The following NAA20 variants were observed in gnomAD, a reference collection of about 807,000 sequenced individuals.
NAA20 encodes N-alpha-acetyltransferase 20, NatB catalytic subunit.
A neutral mutation model predicts 23.8 loss-of-function variants in NAA20; 24 were observed. The observed-to-expected ratio is 1.01, with a 90% CI of 0.73 to 1.42. NAA20 has a LOEUF of 1.42. Among genes scored for constraint, NAA20 ranks in the 40% most tolerant of loss-of-function variants. The probability of loss-of-function intolerance (pLI) is 0.00; values close to 1 mark genes in which losing one functional copy is unlikely to be tolerated. For synonymous variants in NAA20, 83 were observed against 77.7 expected (o/e 1.07, Z -0.36); for missense variants, 166 against 223.1 (o/e 0.74, Z 1.63).
Position 20,033,125 on chromosome 20 carries a change from G to A in NAA20, c.475G>A (p.Asp159Asn). 1 of 1,613,456 alleles carries A rather than the reference G, an allele frequency of 6.2e-7. No homozygotes were observed. ...AYDMRKALSRDTEKKSIIPLP... is the reference protein window; with the variant it reads ...AYDMRKALSRNTEKKSIIPLP... The stretch of plus-strand genomic sequence containing the variant: ...AGATATGAGGAAAGCACTTTCCAGG[G>A]ATACTGAGAAGAAATCCATCATACC... The change falls in exon 6 of 6, where the codon GAT becomes AAT. Residue 159 changes from aspartate to asparagine, a missense_variant. Transcript: ENST00000334982.
intron 4 of NAA20, among the ~76,000 whole-genome samples, chr20:20,027,753 T>A (rs923604938): frequency 7.5e-5 from 9 of 120,508 alleles, no homozygotes; most frequent in South Asian, 6.5e-4. Context: ...AGCATGGCAT[T>A]TTTTTTTTTT....
At chr20:20,018,320 A>G (rs1332424173) in intron 1 of NAA20, 2 of 516,210 alleles carry the variant, frequency 3.9e-6, no homozygotes, top group African/African-American at 1.9e-5. Flanking sequence ...TGCAGTTAAC[A>G]TTTTGCTACG....
At chr20:20,032,360 A>T in intron 4 of NAA20, 148 bp from the exon 5 acceptor site, 1 of 598,146 alleles carries the variant, frequency 1.7e-6, no homozygotes, top group East Asian at 3.0e-5. Flanking sequence ...AATTTCTATT[A>T]CCATGTAATC....
At chr20:20,026,673 A>G in intron 3 of NAA20, 111 bp from the exon 4 acceptor site, 1 of 1,415,570 alleles carries the variant, frequency 7.1e-7, no homozygotes, top group South Asian at 1.3e-5. Flanking sequence ...GTGGTACTTA[A>G]AAACTTCTTT....
chr20:20,023,312 C>CAA lies in NAA20; in HGVS notation c.78+847_78+848dup, dbSNP rs377441191. On this transcript the variant is annotated intron_variant, in intron 2 of 5. Coordinates refer to ENST00000334982, the MANE Select transcript of NAA20 (RefSeq NM_016100.5). ...CTACATGTAGAGCGAGACTCCGTCT[C>CAA]AAAAAAAAAAAAAAAAGGAGAGTAC... 2.6e-3 allele frequency among the ~76,000 whole-genome samples: 303 copies of CAA among 115,646 alleles called. 1 individual carries two copies. Among genetic ancestry groups the CAA allele is most frequent in the African/African-American group, 7.9e-3 (219 of 27,878 alleles). The allele number at this position is 115,646 out of a possible 152,430, so 75.9% of individuals were successfully genotyped here.
At position 20,017,441 on chromosome 20, in the gene NAA20, C is replaced by T; in HGVS notation, c.45C>T (p.Phe15=). 1 of 1,611,380 alleles carries T rather than the reference C, an allele frequency of 6.2e-7. No homozygotes were observed. The highest frequency in any genetic ancestry group is 8.5e-7 in the Non-Finnish European group (1 of 1,179,172). Residue 15 remains phenylalanine (F), a synonymous_variant, in exon 1 of 6, where the codon TTC becomes TTT. Coordinates refer to ENST00000334982, the MANE Select transcript of NAA20 (RefSeq NM_016100.5). ...TTACCTGCGACGACCTGTTCCGCTT[C>T]AACAACATGTGAGTGACACGCGCCT... ...RAFTCDDLFR[F]NNINLDPLTE...
At chr20:20,026,994 A>G in intron 4 of NAA20, 75 bp downstream of exon 4, 1 of 1,576,084 alleles carries the variant, frequency 6.3e-7, no homozygotes. Flanking sequence ...AGGCTGAATA[A>G]CTGTCATGCT....
chr20:20,032,978 T>C (rs953616343), intron 5 of NAA20, 124 bp from the exon 6 acceptor site: 11 of 778,756 alleles, frequency 1.4e-5, no homozygotes, highest in African/African-American at 3.5e-5. Context: ...TATAAATACA[T>C]TTTGCTTAGA....
chr20:20,017,704 G>T (rs2043240927), intron 1 of NAA20: 1 of 1,427,964 alleles, frequency 7.0e-7, no homozygotes, highest in Non-Finnish European at 9.1e-7. Flanking sequence ...GACCCTGCGA[G>T]CTGGCAGGTT....
In NAA20 at chr20:20,027,071, A is replaced by G. The variant is rs903389852; in HGVS notation, c.305+152A>G. On this transcript the variant is annotated intron_variant, in intron 4 of 5. Coordinates refer to ENST00000334982, the MANE Select transcript of NAA20 (RefSeq NM_016100.5). ...TTAGAACAATTCTATCACATAGTCA[A>G]AGTGATATTGTTTCTATTTTGCCAT... 5 of 1,166,778 alleles carry G rather than the reference A, an allele frequency of 4.3e-6. No homozygotes were observed. The African/African-American group carries it at 4.6e-5, about 11-fold the overall frequency. 72.3% of individuals were successfully genotyped at this position (1,166,778 alleles called of 1,614,324 possible).
In NAA20 at chr20:20,020,347, C is replaced by T. The variant is rs144559915; in HGVS notation, c.54-2109C>T. 5.2e-3 allele frequency among the ~76,000 whole-genome samples: 793 copies of T among 152,152 alleles called. 5 individuals carry two copies. Among genetic ancestry groups the T allele is most frequent in the African/African-American group, 0.017 (723 of 41,494 alleles). On this transcript the variant is annotated intron_variant, in intron 1 of 5. Coordinates refer to ENST00000334982, the MANE Select transcript of NAA20 (RefSeq NM_016100.5). ...TAGTTTGGGGGTTCAGGGAGACTGC[C>T]CTTGAAGAAAGACCTGGGGAAGTTA... is the stretch of plus-strand genomic sequence containing the variant.
chr20:20,032,515 G>A lies in NAA20; in HGVS notation c.313G>A (p.Gly105Arg). ...TTTGTTTTTCTTTTAAAGAAAGGGTGGATTTTTTGTGGATCTCTTTGTAAG... is the reference window on the plus strand; with the variant it reads ...TTTGTTTTTCTTTTAAAGAAAGGGTAGATTTTTTGTGGATCTCTTTGTAAG... ...LLEEISERKGGFFVDLFVRVS... is the reference protein window; with the variant it reads ...LLEEISERKGRFFVDLFVRVS... Residue 105 changes from glycine (G) to arginine (R), a missense_variant, in exon 5 of 6, where the codon GGA becomes AGA. Transcript: ENST00000334982. 6.2e-7 allele frequency: 1 copy of A among 1,610,020 alleles called. No homozygotes were observed. The highest frequency in any genetic ancestry group is 8.5e-7 in the Non-Finnish European group (1 of 1,178,612).
chr20:20,022,006 G>T (rs1224088257), intron 1 of NAA20, among the ~76,000 whole-genome samples: 1 of 152,152 alleles, frequency 6.6e-6, no homozygotes, highest in Non-Finnish European at 1.5e-5. Context: ...AAACCGAGTG[G>T]TGGGAGTGAC....
intron 4 of NAA20, among the ~76,000 whole-genome samples, chr20:20,031,527 TTAAAAAGGCCA>T (rs771830032): frequency 1.3e-4 from 20 of 151,952 alleles, no homozygotes; most frequent in Non-Finnish European, 2.4e-4. Context: ...GTAGAACTTT[TTAAAAAGGCCA>T]TAAAAAGGCT....
At chr20:20,032,463 G>C (rs1476747175) in intron 4 of NAA20, 45 bp from the exon 5 acceptor site, 1 of 1,589,328 alleles carries the variant, frequency 6.3e-7, no homozygotes, top group Non-Finnish European at 8.6e-7. Flanking sequence ...ACTTTCTAGG[G>C]TTTCTCACAT....
Position 20,017,440 on chromosome 20 carries a change from TCAA to T in NAA20, c.50_52del (p.Asn17del). The stretch of plus-strand genomic sequence containing the variant: ...TTTACCTGCGACGACCTGTTCCGCT[TCAA>T]CAACATGTGAGTGACACGCGCCTAG... On this transcript the variant is annotated inframe_deletion, in exon 1 of 6. Transcript: ENST00000334982. 1.4e-5 allele frequency: 22 copies of T among 1,611,482 alleles called. No homozygotes were observed. Among genetic ancestry groups the T allele is most frequent in the Non-Finnish European group, 1.8e-5 (21 of 1,179,230 alleles).
chr20:20,021,519 A>G (rs2043268406), intron 1 of NAA20, among the ~76,000 whole-genome samples: 1 of 152,182 alleles, frequency 6.6e-6, no homozygotes, highest in Non-Finnish European at 1.5e-5. Flanking sequence ...TGGTAAAGGT[A>G]TTTGTGTTAA....
intron 1 of NAA20, among the ~76,000 whole-genome samples, chr20:20,020,659 G>C (rs1303632779): frequency 6.6e-6 from 1 of 152,178 alleles, no homozygotes; most frequent in Non-Finnish European, 1.5e-5. Flanking sequence ...TGGAAATTTG[G>C]GGGTCAGCAC....
chr20:20,022,585 G>C, intron 2 of NAA20, 105 bp downstream of exon 2: 1 of 996,238 alleles, frequency 1.0e-6, no homozygotes, highest in South Asian at 1.8e-5. Context: ...TTAAAAACTT[G>C]TAGGTCAGGA....
Sources: allele counts gnomAD v4.1 joint callset (sites outside exome capture counted in the v4.1 genomes callset), GRCh38; gene constraint gnomAD v4.1.1; transcripts MANE v1.5; gene names NCBI Gene and HGNC (gene_info 2026-07-23, HGNC 2026-07-21).